NPNT: variants seen among roughly 807,000 people sequenced by gnomAD.
The protein encoded by NPNT is preosteoblast EGF-like repeat protein with MAM domain.
A neutral mutation model predicts 68.6 loss-of-function variants in NPNT; 45 were observed. That is an observed-to-expected ratio of 0.66 (90% confidence interval 0.52 to 0.84). The LOEUF is 0.84. Ranked by LOEUF, NPNT falls within the 40% of genes least tolerant of loss-of-function variation. The pLI is 0.00. For missense variants in NPNT, 672 were observed against 714.8 expected, an observed-to-expected ratio of 0.94 and a Z score of 0.68; for synonymous variants, 233 against 253.3, an observed-to-expected ratio of 0.92 and a Z score of 0.76.
rs569381818 is a variant in NPNT, at chr4:105,953,044, G to T, written c.1160-5427G>T. On this transcript the variant is annotated intron_variant, in intron 8 of 11. Transcript: ENST00000379987. ...AGCCAGGGGTGGTGGTGCACACCTG[G>T]AATCCCAGCTACTCGAGAGGCTGAG... Among the ~76,000 whole-genome samples the T allele has an allele frequency of 1.5e-3, 223 of 152,182 alleles. 1 individual carries two copies. Among genetic ancestry groups the T allele is most frequent in the African/African-American group, 5.2e-3 (217 of 41,530 alleles).
chr4:105,926,231 TAAATA>T (rs1728668041), intron 2 of NPNT, among the ~76,000 whole-genome samples: 2 of 152,236 alleles, frequency 1.3e-5, no homozygotes, highest in South Asian at 4.1e-4. Flanking sequence ...ATATTGCTGA[TAAATA>T]AATATTGTTT....
Position 105,929,738 on chromosome 4 carries a change from A to G in NPNT, c.265+2310A>G, listed in dbSNP as rs187810220. 3.8e-3 allele frequency among the ~76,000 whole-genome samples: 583 copies of G among 152,350 alleles called. 4 individuals are homozygous for G. The highest frequency in any genetic ancestry group is 0.013 in the African/African-American group (549 of 41,582). On this transcript the variant is annotated intron_variant, in intron 3 of 11. Coordinates refer to ENST00000379987, the MANE Select transcript of NPNT (RefSeq NM_001033047.3). ...ATAAAATATAAAGAAGACGATTAAAATAAGTCACTTTTGAGATTGCAGAGA... is the reference window on the plus strand; with the variant it reads ...ATAAAATATAAAGAAGACGATTAAAGTAAGTCACTTTTGAGATTGCAGAGA...
At chr4:105,917,663 C>T (rs192907572) in intron 2 of NPNT, among the ~76,000 whole-genome samples, 5 of 152,094 alleles carry the variant, frequency 3.3e-5, no homozygotes, top group East Asian at 1.9e-4. Context: ...CAGCATGAGG[C>T]GTGAAAATCT....
intron 8 of NPNT, among the ~76,000 whole-genome samples, chr4:105,954,645 A>G (rs1731079225): frequency 6.6e-6 from 1 of 152,124 alleles, no homozygotes; most frequent in African/African-American, 2.4e-5. Flanking sequence ...TTCCTCCTGC[A>G]CCTTCTTGCT....
chr4:105,934,551 G>A (rs1414265966), intron 3 of NPNT, among the ~76,000 whole-genome samples: 2 of 152,210 alleles, frequency 1.3e-5, no homozygotes, highest in Non-Finnish European at 2.9e-5. Context: ...ATGGGACAAT[G>A]ATGGCAGTCA....
rs191036667 is a variant in NPNT, at chr4:105,934,643, C to T, written c.266-2366C>T. ...TGGTAGAGTACAGCTTTCTCAATTG[C>T]TTTCCATGTTTTGGATACTTATATG... On this transcript the variant is annotated intron_variant, in intron 3 of 11. Coordinates refer to ENST00000379987, the MANE Select transcript of NPNT (RefSeq NM_001033047.3). Among the ~76,000 whole-genome samples, 17 of 152,304 alleles carry T rather than the reference C, an allele frequency of 1.1e-4. No individual in the cohort carries two copies. The East Asian group carries it at 3.1e-3, about 28-fold the overall frequency.
In NPNT at chr4:105,898,891, G is replaced by A. The variant is rs374389249; in HGVS notation, c.172+890G>A. Among the ~76,000 whole-genome samples the A allele has an allele frequency of 1.5e-4, 23 of 152,236 alleles. No homozygotes were observed. The East Asian group carries it at 3.3e-3, about 22-fold the overall frequency. On this transcript the variant is annotated intron_variant, in intron 2 of 11. Transcript: ENST00000379987. ...AGAGCACCCTTAGAGTGCTTGGGGC[G>A]GGGGTAGGGGGCACTTCTGGTAAGA... is the stretch of plus-strand genomic sequence containing the variant.
chr4:105,955,887 A>C (rs1288459824), intron 8 of NPNT, among the ~76,000 whole-genome samples: 1 of 152,048 alleles, frequency 6.6e-6, no homozygotes, highest in East Asian at 1.9e-4. Flanking sequence ...GAGGAAGGAA[A>C]ATTAGTTAAA....
At chr4:105,952,087 T>C (rs1257431766) in intron 8 of NPNT, among the ~76,000 whole-genome samples, 15 of 152,340 alleles carry the variant, frequency 9.8e-5, no homozygotes, top group East Asian at 1.9e-4. Flanking sequence ...ACTGCTACTA[T>C]TGATGTTGAA....
intron 2 of NPNT, among the ~76,000 whole-genome samples, chr4:105,899,343 C>G (rs1219973527): frequency 6.6e-6 from 1 of 152,142 alleles, no homozygotes; most frequent in Non-Finnish European, 1.5e-5. Context: ...ACATAACCCT[C>G]CTGAGTGAAA....
chr4:105,915,677 A>G (rs370403281), intron 2 of NPNT, among the ~76,000 whole-genome samples: 14 of 152,354 alleles, frequency 9.2e-5, no homozygotes, highest in African/African-American at 3.1e-4. Context: ...TTGGTGAGCT[A>G]GAGAACACAG....
rs1425351789 is a variant in NPNT at position 105,971,632 on chromosome 4, T to C, written c.*2642T>C. 6.5e-6 allele frequency: 1 copy of C among 152,968 alleles called. No individual in the cohort carries two copies. Among genetic ancestry groups the C allele is most frequent in the Non-Finnish European group, 1.5e-5 (1 of 68,288 alleles). 9.5% of individuals were successfully genotyped at this position (152,968 alleles called of 1,614,324 possible). A position where few individuals can be genotyped will look rare whatever the true frequency, so the allele number is the denominator to read the frequency against. On this transcript the variant is annotated 3_prime_UTR_variant, in exon 12 of 12. Coordinates refer to ENST00000379987, the MANE Select transcript of NPNT (RefSeq NM_001033047.3). ...GTTAGTGGTTTTCCAAATGGCCTAA[T>C]AAAAACAATTATTTGTAAATAAAAA...
Position 105,895,636 on chromosome 4 carries a change from A to G in NPNT, c.-17A>G. The G allele has an allele frequency of 6.5e-7, 1 of 1,548,708 alleles. No individual in the cohort carries two copies. The highest frequency in any genetic ancestry group is 8.7e-7 in the Non-Finnish European group (1 of 1,146,276). ...CTCGCGCGCCACTGCGCTGCGCCCC[A>G]GGACCCGCTGCCCAACATGGATTTT... On this transcript the variant is annotated 5_prime_UTR_variant, in exon 1 of 12. Transcript: ENST00000379987.
At chr4:105,949,701 A>T (rs1730668239) in intron 8 of NPNT, among the ~76,000 whole-genome samples, 1 of 152,204 alleles carries the variant, frequency 6.6e-6, no homozygotes, top group Non-Finnish European at 1.5e-5. Context: ...ATATATAATG[A>T]AATCTTATAT....
intron 2 of NPNT, among the ~76,000 whole-genome samples, chr4:105,917,739 G>C (rs555425595): frequency 2.6e-5 from 4 of 152,128 alleles, no homozygotes; most frequent in Non-Finnish European, 4.4e-5. Flanking sequence ...GCAGACAAGA[G>C]GGGGAATGGC....
chr4:105,919,392 A>T (rs977590718), intron 2 of NPNT, among the ~76,000 whole-genome samples: 1 of 152,126 alleles, frequency 6.6e-6, no homozygotes, highest in Non-Finnish European at 1.5e-5. Flanking sequence ...CCACAGTATC[A>T]TTTCACACTT....
At chr4:105,965,822 G>A (rs1323777674) in intron 10 of NPNT, among the ~76,000 whole-genome samples, 1 of 152,146 alleles carries the variant, frequency 6.6e-6, no homozygotes, top group Non-Finnish European at 1.5e-5. Context: ...TGTATCCTTG[G>A]AACATCATTC....
rs1023110210 is a variant in NPNT at position 105,895,487 on chromosome 4, C to A, written c.-166C>A. 6.7e-6 allele frequency: 4 copies of A among 597,962 alleles called. No individual in the cohort carries two copies. The highest frequency in any genetic ancestry group is 6.0e-5 in the African/African-American group (3 of 50,380). The allele number at this position is 597,962 out of a possible 1,614,324, so 37.0% of individuals were successfully genotyped here. ...CCGGGCGCCGCGCAGCAGACCTGCT[C>A]CGGCCGCGCGCCTCGCCGCTGTCCT... On this transcript the variant is annotated 5_prime_UTR_variant, in exon 1 of 12. Transcript: ENST00000379987.
intron 3 of NPNT, among the ~76,000 whole-genome samples, chr4:105,929,730 C>T (rs376754679): frequency 4.0e-5 from 6 of 151,860 alleles, no homozygotes; most frequent in Admixed American, 2.0e-4. Flanking sequence ...ATAAAGAAGA[C>T]GATTAAAATA....
Sources: allele counts gnomAD v4.1 joint callset (sites outside exome capture counted in the v4.1 genomes callset), GRCh38; gene constraint gnomAD v4.1.1; transcripts MANE v1.5; gene names NCBI Gene and HGNC (gene_info 2026-07-23, HGNC 2026-07-21).